PTCH1: variants seen among roughly 807,000 people sequenced by gnomAD.
PTCH1 encodes the protein patched 1, also known as protein patched homolog 1.
Under a neutral mutation model 144.6 loss-of-function variants are expected in PTCH1, and 14 were observed. The ratio of observed to expected loss-of-function variants is 0.10; its 90% CI spans 0.06 to 0.15. The LOEUF (loss-of-function observed/expected upper bound fraction) is 0.15, where lower values mean the gene tolerates loss of function less well. Among genes scored for constraint, PTCH1 ranks in the 10% least tolerant of loss-of-function variants. The pLI, the probability that PTCH1 is intolerant of heterozygous loss-of-function variation, is 1.00. For missense variants in PTCH1, 1,623 were observed against 1,948.3 expected, an observed-to-expected ratio of 0.83 and a Z score of 3.14; for synonymous variants, 833 against 793.6, an observed-to-expected ratio of 1.05 and a Z score of -0.83.
At position 95,458,213 on chromosome 9, in the gene PTCH1, C is replaced by A. The variant is rs1235316882; in HGVS notation, c.2968G>T (p.Ala990Ser). The change falls in exon 18 of 24, where the codon GCA becomes TCA. Residue 990 changes from alanine (A) to serine (S), a missense_variant. By Grantham distance (99) the Ala-to-Ser change is moderately conservative (BLOSUM62 1). Coordinates refer to ENST00000331920, the MANE Select transcript of PTCH1 (RefSeq NM_000264.5). The surrounding 1 kb of genome is among the most constrained non-coding windows in gnomAD (Gnocchi z 4.7). ...GLRDTSDFVE[A>S]IEKVRTICSN... ...CAGATGGTCCTTACTTTTTCAATTG[C>A]CTCCACAAAGTCTGAGGTGTCCCGC... 2 of 1,614,136 alleles carry A rather than the reference C, an allele frequency of 1.2e-6. No homozygotes were observed. The highest frequency in any genetic ancestry group is 1.7e-6 in the Non-Finnish European group (2 of 1,180,046).
rs748440992 is a variant in PTCH1 at position 95,447,206 on chromosome 9, C to T, written c.4050G>A (p.Arg1350=). Residue 1350 remains arginine (R), a synonymous_variant, in exon 23 of 24, where the codon CGG becomes CGA. Coordinates refer to ENST00000331920, the MANE Select transcript of PTCH1 (RefSeq NM_000264.5). ...GPRGARSHNP[R]NPASTAMGSS... is the part of the protein sequence containing the mutation. ...TGCCCATGGCAGTGGACGCTGGGTT[C>T]CGAGGGTTGTGAGAACGGGCCCCGC... 4.7e-5 allele frequency: 76 copies of T among 1,612,852 alleles called. No individual in the cohort carries two copies. In the South Asian group the frequency reaches 6.4e-4, roughly 14 times the overall value.
upstream of PTCH1, among the ~76,000 whole-genome samples, chr9:95,509,657 A>T (rs2118922842): frequency 6.6e-6 from 1 of 152,334 alleles, no homozygotes; most frequent in East Asian, 1.9e-4. Flanking sequence ...ACGGGGGGAA[A>T]TGTAATATTT....
At chr9:95,471,592 C>T (rs1015827896) in intron 12 of PTCH1, among the ~76,000 whole-genome samples, 1 of 152,198 alleles carries the variant, frequency 6.6e-6, no homozygotes, top group Non-Finnish European at 1.5e-5. Context: ...ATCCTACTCT[C>T]AATTCTCACA....
chr9:95,468,835 G>A lies in PTCH1; in HGVS notation c.2166C>T (p.Cys722=), dbSNP rs1378986077. Residue 722 remains cysteine, a synonymous_variant, in exon 14 of 24, where the codon TGC becomes TGT. Transcript: ENST00000331920. ...LSQFSDSSLH[C]LEPPCTKWTL... Reference sequence around the variant, plus strand: ...TCCACTTCGTACAGGGGGGCTCGAGGCAGTGGAGGCTGGAGTCGGAGAACT... The same window carrying A: ...TCCACTTCGTACAGGGGGGCTCGAGACAGTGGAGGCTGGAGTCGGAGAACT... 1 of 1,614,180 alleles carries A rather than the reference G, an allele frequency of 6.2e-7. No individual in the cohort carries two copies. Among genetic ancestry groups the A allele is most frequent in the Admixed American group, 1.7e-5 (1 of 60,034 alleles).
At chr9:95,488,123 TATCAC>T (rs1222968505) in intron 2 of PTCH1, among the ~76,000 whole-genome samples, 1 of 152,242 alleles carries the variant, frequency 6.6e-6, no homozygotes, top group Non-Finnish European at 1.5e-5. Flanking sequence ...GCAGTTATTT[TATCAC>T]AGGGTGTTTC....
intron 22 of PTCH1, among the ~76,000 whole-genome samples, chr9:95,448,599 A>G (rs145091272): frequency 6.6e-5 from 10 of 152,360 alleles, no homozygotes; most frequent in African/African-American, 1.2e-4. Flanking sequence ...TTAGACAATA[A>G]TAATGAATGT....
At chr9:95,453,337 G>T in intron 20 of PTCH1, 141 bp downstream of exon 20, 1 of 1,259,300 alleles carries the variant, frequency 7.9e-7, no homozygotes, top group Non-Finnish European at 1.1e-6. Flanking sequence ...CACCATCTTG[G>T]CCAGGCTGGT....
At chr9:95,489,250 T>C (rs1316168177) in intron 2 of PTCH1, among the ~76,000 whole-genome samples, 3 of 152,220 alleles carry the variant, frequency 2.0e-5, no homozygotes, top group South Asian at 2.1e-4. Context: ...GTCTTCCTTA[T>C]CATCCCTAAG....
At chr9:95,464,725 C>T (rs529126665) in intron 15 of PTCH1, among the ~76,000 whole-genome samples, 1 of 152,064 alleles carries the variant, frequency 6.6e-6, no homozygotes, top group Admixed American at 6.5e-5. Flanking sequence ...ATTGTAATGT[C>T]GATAAAGACC....
At chr9:95,459,473 AATAG>A (rs1477112244) in intron 17 of PTCH1, 123 bp downstream of exon 17, 2 of 1,193,236 alleles carry the variant, frequency 1.7e-6, no homozygotes, top group Non-Finnish European at 2.4e-6. Context: ...AACGAGAAGA[AATAG>A]ATTGTTCTGT....
chr9:95,482,306 CT>C (rs1220437788), intron 3 of PTCH1, 103 bp from the exon 4 acceptor site: 22 of 1,155,308 alleles, frequency 1.9e-5, no homozygotes, highest in Non-Finnish European at 2.5e-5. Context: ...ATTTCGATCA[CT>C]TTTAAGCATC....
chr9:95,449,494 G>A lies in PTCH1; in HGVS notation c.3550-171C>T, dbSNP rs866261226. 6.8e-6 allele frequency: 6 copies of A among 879,708 alleles called. No individual in the cohort carries two copies. Among genetic ancestry groups the A allele is most frequent in the African/African-American group, 3.3e-5 (2 of 59,992 alleles). 54.5% of individuals were successfully genotyped at this position (879,708 alleles called of 1,614,324 possible). ...ACCACCTGGAGGACCTTCAGGTCCC[G>A]CAGCTGGAGCAGAAGAACTGTCCTC... On this transcript the variant is annotated intron_variant, in intron 21 of 23. Coordinates refer to ENST00000331920, the MANE Select transcript of PTCH1 (RefSeq NM_000264.5). This position sits in a 1 kb window ranked among gnomAD's most constrained non-coding sequence, Gnocchi z 5.3.
At chr9:95,486,727 G>T (rs1380378955) in intron 2 of PTCH1, among the ~76,000 whole-genome samples, 16 of 152,240 alleles carry the variant, frequency 1.1e-4, no homozygotes. Flanking sequence ...ACTGCCAAAT[G>T]CCTTTTCTCT....
At position 95,467,408 on chromosome 9, in the gene PTCH1, A is replaced by T; in HGVS notation, c.2268T>A (p.Leu756=). Reference sequence around the variant, plus strand: ...GGCTGACCCCCAGCAAGCCCAGAAAAAGGAAGATCACCACTACCTGGAACA... The same window carrying T: ...GGCTGACCCCCAGCAAGCCCAGAAATAGGAAGATCACCACTACCTGGAACA... ...KPKAKVVVIF[L]FLGLLGVSLY... is the part of the protein sequence containing the mutation. The change falls in exon 15 of 24, where the codon CTT becomes CTA. Residue 756 remains leucine (L), a synonymous_variant. Coordinates refer to ENST00000331920, the MANE Select transcript of PTCH1 (RefSeq NM_000264.5). 6.2e-7 allele frequency: 1 copy of T among 1,614,112 alleles called. No individual in the cohort carries two copies. The highest frequency in any genetic ancestry group is 8.5e-7 in the Non-Finnish European group (1 of 1,180,032).
chr9:95,449,081 G>C lies in PTCH1; in HGVS notation c.3792C>G (p.Phe1264Leu), dbSNP rs144312968. Residue 1264 changes from phenylalanine to leucine, a missense_variant, in exon 22 of 24, where the codon TTC (phenylalanine) becomes TTG (leucine). Phe to Leu is a conservative substitution (Grantham distance 22). Coordinates refer to ENST00000331920, the MANE Select transcript of PTCH1 (RefSeq NM_000264.5). This position sits in a 1 kb window ranked among gnomAD's most constrained non-coding sequence, Gnocchi z 5.3. ...CAGAGTCACTTACAGTGGAGTGGGC[G>C]AAGACGGGGTTTTCTGTGGCTTCCA... Reference protein sequence around the residue: ...VIVEATENPVFAHSTVVHPES... With the variant: ...VIVEATENPVLAHSTVVHPES... 1 of 1,614,216 alleles carries C rather than the reference G, an allele frequency of 6.2e-7. No homozygotes were observed. Among genetic ancestry groups the C allele is most frequent in the Non-Finnish European group, 8.5e-7 (1 of 1,180,042 alleles).
intron 15 of PTCH1, among the ~76,000 whole-genome samples, chr9:95,463,224 A>C (rs184865475): frequency 2.6e-5 from 4 of 152,168 alleles, no homozygotes; most frequent in East Asian, 1.9e-4. Flanking sequence ...TGGGGTCTGA[A>C]GTGTGGGGAG....
intron 7 of PTCH1, 183 bp downstream of exon 7, chr9:95,479,786 A>G: frequency 2.2e-6 from 2 of 904,118 alleles, no homozygotes; most frequent in Middle Eastern, 2.9e-4. Context: ...AATTCCCCAC[A>G]AGGTGCTTTT....
intron 2 of PTCH1, among the ~76,000 whole-genome samples, chr9:95,488,289 C>T (rs1377765976): frequency 6.6e-6 from 1 of 152,112 alleles, no homozygotes; most frequent in East Asian, 1.9e-4. Context: ...ACCTGTCGCT[C>T]CCCCATCTCT....
intron 1 of PTCH1, chr9:95,507,090 G>T (rs961433121): frequency 1.0e-6 from 1 of 985,882 alleles, no homozygotes; most frequent in African/African-American, 1.7e-5. Flanking sequence ...CCCCCAACTG[G>T]ACCCCCGCCG....
Sources: gnomAD v4.1 joint callset for allele counts (sites outside exome capture counted in the v4.1 genomes callset) on GRCh38, gnomAD v4.1.1 for gene constraint, Gnocchi (gnomAD v3.1) non-coding constraint, MANE v1.5 for transcripts, NCBI Gene and HGNC (gene_info 2026-07-23, HGNC 2026-07-21) for gene names.